The following HNF1B variants were observed in gnomAD, a reference collection of about 807,000 sequenced individuals.
The protein encoded by HNF1B is HNF1 homeobox B.
Under a neutral mutation model 61.7 loss-of-function variants are expected in HNF1B, and 8 were observed. That is an observed-to-expected ratio of 0.13 (90% CI 0.08 to 0.23). The LOEUF (loss-of-function observed/expected upper bound fraction) is 0.23, where lower values mean the gene tolerates loss of function less well. Ranked by LOEUF, HNF1B falls within the 10% of genes least tolerant of loss-of-function variation. The pLI is 1.00. For missense variants in HNF1B, 562 were observed against 714.5 expected (o/e 0.79, Z 2.43); for synonymous variants, 314 against 287.7 (o/e 1.09, Z -0.93).
chr17:37,687,855 T>C (rs2032033294), intron 8 of HNF1B, among the ~76,000 whole-genome samples: 1 of 152,094 alleles, frequency 6.6e-6, no homozygotes. Flanking sequence ...AGAGAGCCTG[T>C]GAAAATGTGG....
chr17:37,689,153 A>C (rs1223348800), intron 8 of HNF1B, among the ~76,000 whole-genome samples: 1 of 151,128 alleles, frequency 6.6e-6, no homozygotes. Flanking sequence ...TCACAAAAAA[A>C]AAAAAAAAAA....
intron 1 of HNF1B, 25 bp downstream of exon 1, chr17:37,744,516 C>A: frequency 2.5e-6 from 4 of 1,597,560 alleles, no homozygotes; most frequent in Non-Finnish European, 3.4e-6. Flanking sequence ...TCGGGTGGGT[C>A]CCCTCCACCT....
intron 5 of HNF1B, among the ~76,000 whole-genome samples, chr17:37,706,145 G>T (rs2032741529): frequency 6.6e-6 from 1 of 152,102 alleles, no homozygotes; most frequent in Admixed American, 6.5e-5. Flanking sequence ...TTTTAGTAGA[G>T]ACGGGATTTC....
At chr17:37,744,063 G>A (rs748502164) in intron 1 of HNF1B, among the ~76,000 whole-genome samples, 8 of 152,268 alleles carry the variant, frequency 5.3e-5, no homozygotes, top group Non-Finnish European at 1.2e-4. Flanking sequence ...CTTCGGCAAA[G>A]AACTGCAGGT....
chr17:37,704,667 T>C (rs1324720966), intron 6 of HNF1B, among the ~76,000 whole-genome samples: 17 of 152,214 alleles, frequency 1.1e-4, no homozygotes, highest in Admixed American at 9.8e-4. Flanking sequence ...GGTTCAATGA[T>C]TTGACCCAGG....
intron 8 of HNF1B, among the ~76,000 whole-genome samples, chr17:37,694,911 G>A (rs1207435541): frequency 6.6e-6 from 1 of 152,220 alleles, no homozygotes; most frequent in Non-Finnish European, 1.5e-5. Flanking sequence ...TTTAAAAAGG[G>A]AAGCAGAGCG....
intron 7 of HNF1B, 145 bp downstream of exon 7, chr17:37,700,838 G>A: frequency 1.3e-6 from 1 of 760,990 alleles, no homozygotes; most frequent in Non-Finnish European, 2.3e-6. Context: ...AGTTATGCTT[G>A]AGAAATTGTC....
chr17:37,743,603 G>A (rs2034069451), intron 1 of HNF1B, among the ~76,000 whole-genome samples: 1 of 152,240 alleles, frequency 6.6e-6, no homozygotes, highest in South Asian at 2.1e-4. Flanking sequence ...CCACGCGATG[G>A]GCTCTGTCCT....
intron 8 of HNF1B, among the ~76,000 whole-genome samples, chr17:37,689,551 A>G (rs927284611): frequency 6.6e-6 from 1 of 152,222 alleles, no homozygotes; most frequent in Non-Finnish European, 1.5e-5. Flanking sequence ...CCTCCTTCAG[A>G]GTCTAAACAC....
At chr17:37,705,917 C>T (rs2032731415) in intron 5 of HNF1B, among the ~76,000 whole-genome samples, 1 of 152,168 alleles carries the variant, frequency 6.6e-6, no homozygotes, top group Non-Finnish European at 1.5e-5. Context: ...CACACCTACA[C>T]TTTTTCCATG....
intron 3 of HNF1B, among the ~76,000 whole-genome samples, chr17:37,732,753 G>A (rs1009860968): frequency 7.2e-5 from 11 of 152,264 alleles, no homozygotes; most frequent in Admixed American, 2.0e-4. Context: ...CAGGAGGATC[G>A]CTTAAGCCCA....
At chr17:37,711,118 A>G (rs2147475689) in intron 4 of HNF1B, among the ~76,000 whole-genome samples, 2 of 152,286 alleles carry the variant, frequency 1.3e-5, no homozygotes, top group Middle Eastern at 6.8e-3. Flanking sequence ...GGTGCTGCAA[A>G]GTATAAGTAG....
chr17:37,719,586 T>C (rs2033240048), intron 4 of HNF1B, among the ~76,000 whole-genome samples: 1 of 152,228 alleles, frequency 6.6e-6, no homozygotes, highest in Non-Finnish European at 1.5e-5. Context: ...TGGTATTTTC[T>C]GAGCAGCTGC....
chr17:37,731,718 C>T lies in HNF1B; in HGVS notation c.922G>A (p.Ala308Thr). The T allele has an allele frequency of 6.2e-7, 1 of 1,614,126 alleles. No individual in the cohort carries two copies. The highest frequency in any genetic ancestry group is 8.5e-7 in the Non-Finnish European group (1 of 1,180,024). ...TCCATGGCCAGCTTTTGCCGGAATG[C>T]CTCCTCCTTCCTGCGGTTTGCAAAC... ...NWFANRRKEE[A>T]FRQKLAMDAY... is the part of the protein sequence containing the mutation. Residue 308 changes from alanine to threonine, a missense_variant, in exon 4 of 9, where the codon GCA becomes ACA. Ala to Thr is a moderately conservative substitution (Grantham distance 58, BLOSUM62 0). Coordinates refer to ENST00000617811, the MANE Select transcript of HNF1B (RefSeq NM_000458.4).
chr17:37,698,988 G>A (rs1359229537), intron 8 of HNF1B, 88 bp downstream of exon 8: 27 of 977,904 alleles, frequency 2.8e-5, no homozygotes, highest in Non-Finnish European at 4.2e-5. Context: ...ATTTCTGGCC[G>A]AGTCCATGCT....
At chr17:37,734,952 C>T (rs2033792437) in intron 2 of HNF1B, among the ~76,000 whole-genome samples, 1 of 151,948 alleles carries the variant, frequency 6.6e-6, no homozygotes, top group Non-Finnish European at 1.5e-5. Context: ...CCATGCCCAG[C>T]TAATTTTTTG....
chr17:37,691,363 G>A (rs2032196940), intron 8 of HNF1B, among the ~76,000 whole-genome samples: 1 of 152,164 alleles, frequency 6.6e-6, no homozygotes, highest in Non-Finnish European at 1.5e-5. Flanking sequence ...ACAGATGAGG[G>A]AAGTGTGGCC....
chr17:37,709,771 C>T (rs937602850), intron 5 of HNF1B, among the ~76,000 whole-genome samples: 8 of 152,164 alleles, frequency 5.3e-5, no homozygotes, highest in Non-Finnish European at 1.0e-4. Flanking sequence ...AATGTTATCA[C>T]GCTCATGCCC....
At chr17:37,714,654 T>C (rs1010686230) in intron 4 of HNF1B, among the ~76,000 whole-genome samples, 1 of 152,192 alleles carries the variant, frequency 6.6e-6, no homozygotes, top group Admixed American at 6.5e-5. Context: ...CTTTCCTCTA[T>C]TCCTAGGCAT....
Sources: gnomAD v4.1 joint callset for allele counts (sites outside exome capture counted in the v4.1 genomes callset) on GRCh38, gnomAD v4.1.1 for gene constraint, MANE v1.5 for transcripts, NCBI Gene and HGNC (gene_info 2026-07-23, HGNC 2026-07-21) for gene names.